SMYD3: variants seen among roughly 807,000 people sequenced by gnomAD.
SMYD3 encodes histone-lysine N-methyltransferase SMYD3.
Under a neutral mutation model 57.7 loss-of-function variants are expected in SMYD3, and 36 were observed. That is an observed-to-expected ratio of 0.62 (90% CI 0.48 to 0.82). The LOEUF (loss-of-function observed/expected upper bound fraction) is 0.82, where lower values mean the gene tolerates loss of function less well. Among genes scored for constraint, SMYD3 ranks in the 40% least tolerant of loss-of-function variants. The probability of loss-of-function intolerance (pLI) is 0.00; values close to 1 mark genes in which losing one functional copy is unlikely to be tolerated. For missense variants in SMYD3, 515 were observed against 538.8 expected (o/e 0.96, Z 0.44); for synonymous variants, 211 against 195.0 (o/e 1.08, Z -0.68).
chr1:246,387,318 T>A (rs927886669), intron 1 of SMYD3, among the ~76,000 whole-genome samples: 1 of 152,208 alleles, frequency 6.6e-6, no homozygotes, highest in African/African-American at 2.4e-5. Flanking sequence ...ATCTATAACA[T>A]GGAGGCAACA....
At chr1:246,373,511 G>C (rs572181632) in intron 1 of SMYD3, among the ~76,000 whole-genome samples, 1 of 152,164 alleles carries the variant, frequency 6.6e-6, no homozygotes, top group African/African-American at 2.4e-5. Flanking sequence ...CTTAGTTTTT[G>C]ATAACATGAG....
rs557389819 is a variant in SMYD3 at position 246,410,218 on chromosome 1, G to A, written c.165-55124C>T. Among the ~76,000 whole-genome samples the A allele has an allele frequency of 3.3e-4, 50 of 152,270 alleles. 1 individual carries two copies. The highest frequency in any genetic ancestry group is 1.2e-3 in the African/African-American group (50 of 41,542). On this transcript the variant is annotated intron_variant, in intron 1 of 11. Transcript: ENST00000490107. ...ATTTCCAACACTATATTGAATAGGA[G>A]TGGTGAGAGAGGGCATCCCTCTCTT...
intron 5 of SMYD3, among the ~76,000 whole-genome samples, chr1:246,312,693 G>A (rs1010302533): frequency 6.6e-6 from 1 of 152,142 alleles, no homozygotes; most frequent in African/African-American, 2.4e-5. Context: ...GAAAATATGG[G>A]ATGAGCTCAG....
intron 1 of SMYD3, among the ~76,000 whole-genome samples, chr1:246,480,566 GA>G (rs2068086897): frequency 6.6e-6 from 1 of 152,002 alleles, no homozygotes; most frequent in Non-Finnish European, 1.5e-5. Flanking sequence ...CCTATTCCGA[GA>G]GAAAGGGGAA....
At chr1:246,333,720 A>G (rs1021977274) in intron 3 of SMYD3, among the ~76,000 whole-genome samples, 7 of 151,726 alleles carry the variant, frequency 4.6e-5, no homozygotes, top group South Asian at 2.1e-4. Flanking sequence ...CAAAAAAAAA[A>G]GGAAAAAACA....
chr1:246,172,196 G>A (rs1423180738), intron 5 of SMYD3, among the ~76,000 whole-genome samples: 2 of 151,876 alleles, frequency 1.3e-5, no homozygotes, highest in African/African-American at 2.4e-5. Flanking sequence ...GGCTACACAG[G>A]CCTAGAACAC....
At chr1:246,283,090 G>A (rs748439854) in intron 5 of SMYD3, among the ~76,000 whole-genome samples, 8 of 152,084 alleles carry the variant, frequency 5.3e-5, no homozygotes, top group African/African-American at 1.9e-4. Context: ...CTCAACAATG[G>A]CACCTTAAAA....
chr1:246,014,113 G>A (rs954341913), intron 5 of SMYD3, among the ~76,000 whole-genome samples: 2 of 152,054 alleles, frequency 1.3e-5, no homozygotes, highest in Admixed American at 6.5e-5. Context: ...TCATGAGGTC[G>A]GGTGTTCGAG....
At chr1:246,200,373 AGAG>A (rs1278369684) in intron 5 of SMYD3, among the ~76,000 whole-genome samples, 3 of 151,888 alleles carry the variant, frequency 2.0e-5, no homozygotes, top group Non-Finnish European at 4.4e-5. Flanking sequence ...ACTGTGATAC[AGAG>A]GATGGAGAAC....
At chr1:245,982,457 T>C (rs2058617614) in intron 5 of SMYD3, among the ~76,000 whole-genome samples, 1 of 152,262 alleles carries the variant, frequency 6.6e-6, no homozygotes, top group Admixed American at 6.5e-5. Flanking sequence ...AGTAGCATCC[T>C]ATAGTCTCAA....
chr1:246,487,187 C>A (rs557839744), intron 1 of SMYD3, among the ~76,000 whole-genome samples: 1 of 114,872 alleles, frequency 8.7e-6, no homozygotes, highest in Non-Finnish European at 1.8e-5. Context: ...GTAGCTCACG[C>A]CTGTAATCCC....
chr1:245,751,593 A>AGGGTCT, intron 11 of SMYD3, among the ~76,000 whole-genome samples: 1 of 69,962 alleles, frequency 1.4e-5, no homozygotes, highest in South Asian at 6.3e-4. Flanking sequence ...AGAGAGAGAG[A>AGGGTCT]AAGAGAGAGA....
intron 1 of SMYD3, among the ~76,000 whole-genome samples, chr1:246,411,854 T>C (rs1053896912): frequency 1.4e-5 from 2 of 144,138 alleles, no homozygotes; most frequent in South Asian, 2.3e-4. Flanking sequence ...AGGGATAGCA[T>C]TAGGATATAT....
chr1:246,215,403 T>C (rs2063149631), intron 5 of SMYD3, among the ~76,000 whole-genome samples: 1 of 151,718 alleles, frequency 6.6e-6, no homozygotes, highest in African/African-American at 2.4e-5. Context: ...TCAAAAAGAG[T>C]CAGCACACCC....
rs193047557 is a variant in SMYD3, at chr1:245,847,525, T to C, written c.1076+10971A>G. On this transcript the variant is annotated intron_variant, in intron 10 of 11. Transcript: ENST00000490107. ...GAGTCATTCAAAGTTTTATCCTTCA[T>C]TACCCATTTTTCAGGCCCACCTGAT... Among the ~76,000 whole-genome samples the C allele has an allele frequency of 1.2e-4, 18 of 152,340 alleles. No individual in the cohort carries two copies. In the East Asian group the frequency reaches 3.1e-3, roughly 26 times the overall value.
intron 5 of SMYD3, among the ~76,000 whole-genome samples, chr1:246,030,903 C>T (rs1463726495): frequency 2.6e-5 from 4 of 152,056 alleles, no homozygotes; most frequent in Non-Finnish European, 5.9e-5. Context: ...AATAGAATCC[C>T]CCAGTAACAG....
intron 10 of SMYD3, among the ~76,000 whole-genome samples, chr1:245,781,749 G>A (rs2046834430): frequency 6.6e-6 from 1 of 152,184 alleles, no homozygotes; most frequent in East Asian, 1.9e-4. Context: ...GGGAGGCCGA[G>A]CACTGGGGTC....
At chr1:246,324,252 T>C (rs1262693600) in intron 5 of SMYD3, among the ~76,000 whole-genome samples, 1 of 151,762 alleles carries the variant, frequency 6.6e-6, no homozygotes, top group Non-Finnish European at 1.5e-5. Flanking sequence ...TTGTCTCTAC[T>C]AAAAATACAA....
At position 246,089,499 on chromosome 1, in the gene SMYD3, G is replaced by A. The variant is rs183903006; in HGVS notation, c.532-159562C>T. Among the ~76,000 whole-genome samples the A allele has an allele frequency of 1.8e-3, 270 of 152,262 alleles. 1 individual carries two copies. Among genetic ancestry groups the A allele is most frequent in the Admixed American group, 3.7e-3 (56 of 15,282 alleles). ...TCCAACCCATCCCTATTTCGAGCCAGAATAGCTTAGATTCCTGAAATCACT... is the reference window on the plus strand; with the variant it reads ...TCCAACCCATCCCTATTTCGAGCCAAAATAGCTTAGATTCCTGAAATCACT... On this transcript the variant is annotated intron_variant, in intron 5 of 11. Coordinates refer to ENST00000490107, the MANE Select transcript of SMYD3 (RefSeq NM_001167740.2).
Sources: gnomAD v4.1 joint callset for allele counts (sites outside exome capture counted in the v4.1 genomes callset) on GRCh38, gnomAD v4.1.1 for gene constraint, MANE v1.5 for transcripts, NCBI Gene and HGNC (gene_info 2026-07-23, HGNC 2026-07-21) for gene names.